Variants in DLG2 observed in about 807,000 individuals in gnomAD.
DLG2 encodes disks large homolog 2.
Under a neutral mutation model 132.5 loss-of-function variants are expected in DLG2, and 45 were observed. That is an observed-to-expected ratio of 0.34 (90% CI 0.27 to 0.44). DLG2 has a LOEUF of 0.44. Ranked by LOEUF, DLG2 falls within the 20% of genes least tolerant of loss-of-function variation. The probability of loss-of-function intolerance (pLI) is 1.00; values close to 1 mark genes in which losing one functional copy is unlikely to be tolerated. For missense variants in DLG2, 1,045 were observed against 1,196.9 expected, an observed-to-expected ratio of 0.87 and a Z score of 1.87; for synonymous variants, 424 against 419.6, an observed-to-expected ratio of 1.01 and a Z score of -0.13.
intron 7 of DLG2, among the ~76,000 whole-genome samples, chr11:84,275,332 A>G (rs1160075439): frequency 6.6e-6 from 1 of 150,380 alleles, no homozygotes; most frequent in Non-Finnish European, 1.5e-5. Flanking sequence ...CAACAAACAT[A>G]TCAAGCATCT....
chr11:83,807,059 T>C (rs1462896926), intron 17 of DLG2, among the ~76,000 whole-genome samples: 1 of 152,120 alleles, frequency 6.6e-6, no homozygotes, highest in African/African-American at 2.4e-5. Flanking sequence ...CAAAAAATGC[T>C]TCTAGACATT....
chr11:84,855,694 C>T (rs1411795910), intron 6 of DLG2, among the ~76,000 whole-genome samples: 1 of 152,020 alleles, frequency 6.6e-6, no homozygotes, highest in African/African-American at 2.4e-5. Flanking sequence ...TGGGTAAAAT[C>T]CTCAATTACT....
chr11:83,724,127 A>G (rs1324730324), intron 18 of DLG2, among the ~76,000 whole-genome samples: 1 of 152,134 alleles, frequency 6.6e-6, no homozygotes, highest in African/African-American at 2.4e-5. Flanking sequence ...TCCATATACT[A>G]CTACTAATCT....
At chr11:85,473,219 G>T (rs554029702) in intron 3 of DLG2, among the ~76,000 whole-genome samples, 146 of 152,344 alleles carry the variant, frequency 9.6e-4, no homozygotes, top group South Asian at 4.4e-3. Flanking sequence ...AGCACAGCCT[G>T]CTGGGCTGAG....
intron 3 of DLG2, among the ~76,000 whole-genome samples, chr11:85,462,552 C>CA (rs1218676832): frequency 6.7e-6 from 1 of 150,344 alleles, no homozygotes. Context: ...ATCACAAGGA[C>CA]AAAAAACCAA....
At chr11:84,475,877 G>A (rs748438841) in intron 7 of DLG2, among the ~76,000 whole-genome samples, 4 of 152,010 alleles carry the variant, frequency 2.6e-5, no homozygotes. Flanking sequence ...ATGGTACTGT[G>A]ACCTCCTAGG....
intron 21 of DLG2, among the ~76,000 whole-genome samples, chr11:83,520,393 C>T (rs1023487558): frequency 1.3e-5 from 2 of 152,140 alleles, no homozygotes; most frequent in African/African-American, 4.8e-5. Context: ...ACCAATAGCC[C>T]TGGAGTCATG....
At chr11:85,146,315 T>C (rs1411718626) in intron 5 of DLG2, among the ~76,000 whole-genome samples, 1 of 150,814 alleles carries the variant, frequency 6.6e-6, no homozygotes, top group African/African-American at 2.4e-5. Flanking sequence ...CCCAAAGCTA[T>C]CACAGCCAGG....
rs57145914 is a variant in DLG2, at chr11:84,649,942, A to G, written c.358-115211T>C. On this transcript the variant is annotated intron_variant, in intron 6 of 27. Transcript: ENST00000376104. Reference sequence around the variant, plus strand: ...TGACTCTAGGAAGTTCCCTTGTCTCATGTTCCTTCAGAAACTATTCCAAAT... The same window carrying G: ...TGACTCTAGGAAGTTCCCTTGTCTCGTGTTCCTTCAGAAACTATTCCAAAT... 3.9e-3 allele frequency among the ~76,000 whole-genome samples: 591 copies of G among 152,280 alleles called. 4 individuals are homozygous for G. Among genetic ancestry groups the G allele is most frequent in the African/African-American group, 0.013 (560 of 41,556 alleles).
intron 10 of DLG2, among the ~76,000 whole-genome samples, chr11:84,068,356 G>C (rs560572141): frequency 6.6e-6 from 1 of 152,162 alleles, no homozygotes; most frequent in Admixed American, 6.6e-5. Flanking sequence ...AAATATTTCT[G>C]ATTAATACAG....
chr11:85,466,937 C>T (rs1565534066), intron 3 of DLG2, among the ~76,000 whole-genome samples: 1 of 152,114 alleles, frequency 6.6e-6, no homozygotes, highest in Non-Finnish European at 1.5e-5. Context: ...TCTTCCTACC[C>T]ATGAGCATGG....
chr11:85,092,392 AT>A (rs2068932847), intron 6 of DLG2, among the ~76,000 whole-genome samples: 1 of 152,150 alleles, frequency 6.6e-6, no homozygotes, highest in Admixed American at 6.5e-5. Flanking sequence ...ACAAATTAAA[AT>A]CTCAAAAATA....
At chr11:84,132,829 A>G (rs965225588) in intron 9 of DLG2, among the ~76,000 whole-genome samples, 11 of 152,070 alleles carry the variant, frequency 7.2e-5, no homozygotes, top group Admixed American at 2.0e-4. Flanking sequence ...CTGAAGGATC[A>G]CTAAAAATGA....
intron 6 of DLG2, among the ~76,000 whole-genome samples, chr11:84,903,266 A>G (rs1343580266): frequency 1.3e-5 from 2 of 152,186 alleles, no homozygotes; most frequent in Non-Finnish European, 2.9e-5. Context: ...CTCTCTGAAC[A>G]CAGTAGACAT....
intron 6 of DLG2, among the ~76,000 whole-genome samples, chr11:84,796,517 G>T (rs1014565841): frequency 6.6e-6 from 1 of 152,106 alleles, no homozygotes; most frequent in African/African-American, 2.4e-5. Context: ...ATTTCTTACT[G>T]CTCATTAACA....
At chr11:85,415,996 G>A (rs189603135) in intron 3 of DLG2, among the ~76,000 whole-genome samples, 5 of 152,038 alleles carry the variant, frequency 3.3e-5, no homozygotes, top group Admixed American at 6.6e-5. Context: ...TGGTTTTTAC[G>A]GTTTTTAGGT....
At chr11:84,795,328 G>T (rs2074429954) in intron 6 of DLG2, among the ~76,000 whole-genome samples, 1 of 151,884 alleles carries the variant, frequency 6.6e-6, no homozygotes, top group African/African-American at 2.4e-5. Context: ...CAGATGCCAG[G>T]ACAACCTACC....
At chr11:84,650,123 T>G (rs1046312781) in intron 6 of DLG2, among the ~76,000 whole-genome samples, 4 of 152,194 alleles carry the variant, frequency 2.6e-5, no homozygotes, top group African/African-American at 9.6e-5. Flanking sequence ...TTACATCTAT[T>G]CATTCCATCT....
At chr11:84,450,982 A>G (rs957324544) in intron 7 of DLG2, among the ~76,000 whole-genome samples, 3 of 151,942 alleles carry the variant, frequency 2.0e-5, no homozygotes, top group African/African-American at 4.8e-5. Flanking sequence ...GCATCACGCA[A>G]TATACCCATG....
Sources: gnomAD v4.1 joint callset for allele counts (sites outside exome capture counted in the v4.1 genomes callset) on GRCh38, gnomAD v4.1.1 for gene constraint, MANE v1.5 for transcripts, NCBI Gene and HGNC (gene_info 2026-07-23, HGNC 2026-07-21) for gene names.